The following MAP4K5 variants were observed in gnomAD, a reference collection of about 807,000 sequenced individuals.
MAP4K5 encodes MAPK/ERK kinase kinase kinase 5.
MAP4K5 carries 82 observed loss-of-function variants against 135.6 expected under a neutral mutation model. That is an observed-to-expected ratio of 0.60 (90% CI 0.51 to 0.73). The LOEUF (loss-of-function observed/expected upper bound fraction) is 0.73. Ranked by LOEUF, MAP4K5 falls within the 30% of genes least tolerant of loss-of-function variation. MAP4K5 has a pLI of 0.00. For synonymous variants in MAP4K5, 347 were observed against 335.0 expected, an observed-to-expected ratio of 1.04 and a Z score of -0.39; for missense variants, 907 against 1,010.9, an observed-to-expected ratio of 0.90 and a Z score of 1.39.
At chr14:50,547,264 G>T (rs2038645244) in intron 1 of MAP4K5, among the ~76,000 whole-genome samples, 1 of 152,102 alleles carries the variant, frequency 6.6e-6, no homozygotes, top group South Asian at 2.1e-4. Flanking sequence ...GTGAACTCTT[G>T]TGTAATTTAA....
chr14:50,560,307 G>C (rs2038820616), intron 1 of MAP4K5: 1 of 1,613,726 alleles, frequency 6.2e-7, no homozygotes, highest in African/African-American at 1.3e-5. Context: ...GGGGTGAGTA[G>C]CAAATGAGAA....
intron 1 of MAP4K5, among the ~76,000 whole-genome samples, chr14:50,547,445 C>T (rs1016727150): frequency 5.9e-5 from 9 of 152,048 alleles, no homozygotes; most frequent in South Asian, 2.1e-4. Flanking sequence ...AAAACAAGGA[C>T]GGAGTCTGAA....
rs543784118 is a variant in MAP4K5, at chr14:50,517,694, G to A, written c.109-12837C>T. On this transcript the variant is annotated intron_variant, in intron 2 of 32. Coordinates refer to ENST00000682126, the MANE Select transcript of MAP4K5 (RefSeq NM_006575.6). ...TGTGGCAGGAGAATTGCTTCAACCC[G>A]GGAGGCGGAGGTTGCAGTGGTTGCA... Among the ~76,000 whole-genome samples, 36 of 152,092 alleles carry A rather than the reference G, an allele frequency of 2.4e-4. No homozygotes were observed. The South Asian group carries it at 3.3e-3, about 14-fold the overall frequency.
At chr14:50,530,697 G>A (rs4551958) in intron 2 of MAP4K5, among the ~76,000 whole-genome samples, 129,217 of 152,166 alleles carry the variant, frequency 0.85, 56,460 homozygotes, top group Non-Finnish European at 0.94. Context: ...GTAAGAGCCA[G>A]AACCTTGCTC....
intron 3 of MAP4K5, among the ~76,000 whole-genome samples, chr14:50,493,543 T>C (rs575739312): frequency 6.2e-4 from 95 of 152,140 alleles, no homozygotes; most frequent in Non-Finnish European, 1.0e-3. Context: ...CACGATCATA[T>C]GTATAGAAAA....
At chr14:50,532,253 C>T (rs1465847747) in intron 1 of MAP4K5, 95 bp from the exon 2 acceptor site, 1 of 529,634 alleles carries the variant, frequency 1.9e-6, no homozygotes, top group African/African-American at 2.0e-5. Flanking sequence ...TTCCGTCCCG[C>T]CAGGGGCCGT....
intron 2 of MAP4K5, among the ~76,000 whole-genome samples, chr14:50,521,811 C>G (rs575485707): frequency 1.7e-4 from 26 of 152,260 alleles, no homozygotes; most frequent in African/African-American, 6.0e-4. Context: ...TTCATCTTGT[C>G]CTTCTCAGAG....
Position 50,494,949 on chromosome 14 carries a change from A to T in MAP4K5, c.167-8755T>A, listed in dbSNP as rs546972426. On this transcript the variant is annotated intron_variant, in intron 3 of 32. Transcript: ENST00000682126. ...AACTTAAAATGATTTAAAGATATAA[A>T]TGTAAGACCCCAAATTATCAAACTC... 2.0e-5 allele frequency among the ~76,000 whole-genome samples: 3 copies of T among 152,326 alleles called. No homozygotes were observed. The East Asian group carries it at 5.8e-4, about 29-fold the overall frequency.
chr14:50,428,593 C>T, intron 30 of MAP4K5, 69 bp downstream of exon 30: 1 of 877,876 alleles, frequency 1.1e-6, no homozygotes, highest in East Asian at 2.8e-5. Context: ...CTAGACAACC[C>T]TAAGTACAGA....
intron 2 of MAP4K5, among the ~76,000 whole-genome samples, chr14:50,512,741 A>C (rs556954729): frequency 6.6e-6 from 1 of 152,172 alleles, no homozygotes; most frequent in Non-Finnish European, 1.5e-5. Context: ...TCAATTTACT[A>C]AAGAGATCTT....
intron 2 of MAP4K5, among the ~76,000 whole-genome samples, chr14:50,524,610 C>T (rs535470878): frequency 6.8e-6 from 1 of 147,820 alleles, no homozygotes; most frequent in Non-Finnish European, 1.5e-5. Context: ...ACAGAAAAGC[C>T]CCCCCACCGA....
chr14:50,512,183 T>C (rs775778949), intron 2 of MAP4K5, among the ~76,000 whole-genome samples: 3 of 152,170 alleles, frequency 2.0e-5, no homozygotes, highest in African/African-American at 4.8e-5. Context: ...ATGTGCTTTA[T>C]TACTCTGTAA....
chr14:50,477,738 T>C (rs1387573296), intron 6 of MAP4K5, among the ~76,000 whole-genome samples: 2 of 152,200 alleles, frequency 1.3e-5, no homozygotes, highest in African/African-American at 4.8e-5. Context: ...GATAATGTGG[T>C]TTTTCTTTTT....
In MAP4K5 at chr14:50,445,063, A is replaced by C. The variant is rs2036312889; in HGVS notation, c.1317T>G (p.Pro439=). The part of the protein sequence containing the change: ...LRRQSSPSCG[P]VAETSSIGNG... Reference sequence around the variant, plus strand: ...TACCAATAGAAGAAGTCTCTGCCACAGGCCCACAACTTGGGCTACTCTGTC... The same window carrying C: ...TACCAATAGAAGAAGTCTCTGCCACCGGCCCACAACTTGGGCTACTCTGTC... Residue 439 remains proline, a synonymous_variant, in exon 18 of 33, where the codon CCT becomes CCG. Transcript: ENST00000682126. 6.2e-7 allele frequency: 1 copy of C among 1,613,324 alleles called. No homozygotes were observed. Among genetic ancestry groups the C allele is most frequent in the Admixed American group, 1.7e-5 (1 of 59,958 alleles).
chr14:50,529,396 A>C (rs867270892), intron 2 of MAP4K5, among the ~76,000 whole-genome samples: 15 of 152,132 alleles, frequency 9.9e-5, no homozygotes, highest in African/African-American at 3.1e-4. Context: ...CCAAACAAAC[A>C]GACAAACAGA....
intron 31 of MAP4K5, among the ~76,000 whole-genome samples, chr14:50,424,728 AG>A (rs11288386): frequency 0.77 from 90,873 of 118,502 alleles, 35,370 homozygotes; most frequent in South Asian, 0.86. Context: ...AAAAAAAAAA[AG>A]AGTTAAAAAT....
At chr14:50,423,280 G>A in intron 31 of MAP4K5, 104 bp from the exon 32 acceptor site, 4 of 519,260 alleles carry the variant, frequency 7.7e-6, no homozygotes, top group South Asian at 7.9e-5. Flanking sequence ...AATATTTTTT[G>A]GTAGACTTAA....
At chr14:50,486,538 A>G (rs2037367012) in intron 3 of MAP4K5, among the ~76,000 whole-genome samples, 1 of 152,178 alleles carries the variant, frequency 6.6e-6, no homozygotes, top group South Asian at 2.1e-4. Flanking sequence ...AAAAGATTAT[A>G]TATTATTTAA....
chr14:50,460,134 T>G (rs1427974141), intron 13 of MAP4K5, among the ~76,000 whole-genome samples: 1 of 152,202 alleles, frequency 6.6e-6, no homozygotes, highest in Non-Finnish European at 1.5e-5. Flanking sequence ...CCTTCAGGTT[T>G]TCAGCTTAAA....
Sources: gnomAD v4.1 joint callset for allele counts (sites outside exome capture counted in the v4.1 genomes callset) on GRCh38, gnomAD v4.1.1 for gene constraint, MANE v1.5 for transcripts, NCBI Gene and HGNC (gene_info 2026-07-23, HGNC 2026-07-21) for gene names.